NRXN1: variants seen among roughly 807,000 people sequenced by gnomAD.
NRXN1 encodes neurexin-1.
In NRXN1, 39 loss-of-function variants were observed where a neutral mutation model predicts 150.9. The ratio of observed to expected loss-of-function variants is 0.26; its 90% CI spans 0.20 to 0.34. The LOEUF (loss-of-function observed/expected upper bound fraction) is 0.34, where lower values mean the gene tolerates loss of function less well. Among genes scored for constraint, NRXN1 ranks in the 10% least tolerant of loss-of-function variants. The pLI, the probability that NRXN1 is intolerant of heterozygous loss-of-function variation, is 1.00. For missense variants in NRXN1, 1,815 were observed against 1,949.9 expected (o/e 0.93, Z 1.30); for synonymous variants, 924 against 757.0 (o/e 1.22, Z -3.62).
chr2:50,613,655 C>T (rs994439852), intron 8 of NRXN1, among the ~76,000 whole-genome samples: 1 of 152,106 alleles, frequency 6.6e-6, no homozygotes, highest in East Asian at 1.9e-4. Context: ...ATGATTCATA[C>T]AGGCCAGGTG....
intron 5 of NRXN1, among the ~76,000 whole-genome samples, chr2:50,908,074 A>G (rs1683978818): frequency 6.6e-6 from 1 of 152,116 alleles, no homozygotes; most frequent in Non-Finnish European, 1.5e-5. Flanking sequence ...CTACTGAGCT[A>G]TAAATCCCTC....
chr2:50,511,348 C>T (rs560484541), intron 12 of NRXN1, among the ~76,000 whole-genome samples: 6 of 152,324 alleles, frequency 3.9e-5, no homozygotes, highest in South Asian at 2.1e-4. Context: ...GACCACAGTG[C>T]GCCCAGCCCT....
At chr2:50,876,480 G>C (rs1268038318) in intron 5 of NRXN1, among the ~76,000 whole-genome samples, 1 of 151,702 alleles carries the variant, frequency 6.6e-6, no homozygotes, top group African/African-American at 2.4e-5. Flanking sequence ...CTACACACTA[G>C]GAAAGCGAAG....
At position 50,553,254 on chromosome 2, in the gene NRXN1, G is replaced by A. The variant is rs13416514; in HGVS notation, c.1321-229C>T. On this transcript the variant is annotated intron_variant, in intron 8 of 22. Transcript: ENST00000401669. ...AAATAATGTGTGTGCAGATGCACCC[G>A]CGCATGTGCATATACACACAAACTG... Among the ~76,000 whole-genome samples the A allele has an allele frequency of 0.18, 27,044 of 152,140 alleles. 2,533 individuals are homozygous for A. The highest frequency in any genetic ancestry group is 0.34 in the East Asian group (1,788 of 5,184).
chr2:50,809,620 A>G (rs1667950928), intron 5 of NRXN1, among the ~76,000 whole-genome samples: 1 of 152,118 alleles, frequency 6.6e-6, no homozygotes, highest in Admixed American at 6.6e-5. Context: ...CGCTCCAGAA[A>G]ACATAAGAAG....
At chr2:49,934,897 T>C (rs1053374513) in intron 22 of NRXN1, among the ~76,000 whole-genome samples, 8 of 152,178 alleles carry the variant, frequency 5.3e-5, no homozygotes, top group Non-Finnish European at 1.0e-4. Context: ...GAACCTAAAT[T>C]TATCCAGCTA....
At chr2:50,102,937 AC>A (rs1339302232) in intron 18 of NRXN1, among the ~76,000 whole-genome samples, 3 of 152,084 alleles carry the variant, frequency 2.0e-5, no homozygotes, top group Non-Finnish European at 4.4e-5. Context: ...ATAATGCGTA[AC>A]AAAAGTAAAA....
At chr2:50,272,698 A>G (rs765427967) in intron 17 of NRXN1, among the ~76,000 whole-genome samples, 22 of 152,278 alleles carry the variant, frequency 1.4e-4, no homozygotes, top group East Asian at 3.9e-4. Context: ...TAGAGGCTCA[A>G]TAGATACAGC....
intron 5 of NRXN1, among the ~76,000 whole-genome samples, chr2:50,700,423 G>T (rs902611030): frequency 5.9e-5 from 9 of 151,716 alleles, no homozygotes; most frequent in African/African-American, 2.2e-4. Context: ...TAAATGGCAG[G>T]GCCAAAACAC....
At chr2:50,363,834 A>G (rs973752286) in intron 17 of NRXN1, among the ~76,000 whole-genome samples, 3 of 152,234 alleles carry the variant, frequency 2.0e-5, no homozygotes, top group African/African-American at 7.2e-5. Flanking sequence ...AAGACTTGCA[A>G]CCAACCCAAA....
intron 5 of NRXN1, among the ~76,000 whole-genome samples, chr2:50,628,188 C>A (rs889383478): frequency 4.0e-5 from 6 of 151,664 alleles, no homozygotes; most frequent in Non-Finnish European, 5.9e-5. Flanking sequence ...ATGTGGCATA[C>A]CCAAGGGGTT....
Position 50,236,932 on chromosome 2 carries a change from T to C in NRXN1, c.3403A>G (p.Ile1135Val), listed in dbSNP as rs765360600. ...TYIFSKGGGQITYKWPPNDRP... is the reference protein window; with the variant it reads ...TYIFSKGGGQVTYKWPPNDRP... ...TCATTAGGAGGCCACTTATACGTGA[T>C]TTGTCCACCACCTTTGCTAAAGATA... Residue 1135 changes from isoleucine to valine, a missense_variant, in exon 18 of 23, where the codon ATC becomes GTC. By Grantham distance (29) the Ile-to-Val change is conservative. Around this residue, in one of 6 missense-constraint regions of NRXN1, gnomAD observed 339 missense variants for 440.3 expected, o/e 0.77. Transcript: ENST00000401669. 39 of 1,613,342 alleles carry C rather than the reference T, an allele frequency of 2.4e-5. No homozygotes were observed. The East Asian group carries it at 2.5e-4, about 10-fold the overall frequency.
intron 13 of NRXN1, among the ~76,000 whole-genome samples, chr2:50,501,475 A>G (rs2091944231): frequency 1.3e-5 from 2 of 151,428 alleles, no homozygotes; most frequent in African/African-American, 4.8e-5. Context: ...TAGGGCAGTT[A>G]TAGTAGAAAT....
At chr2:50,352,962 T>C (rs1357201323) in intron 17 of NRXN1, among the ~76,000 whole-genome samples, 2 of 151,910 alleles carry the variant, frequency 1.3e-5, no homozygotes, top group South Asian at 2.1e-4. Context: ...GTCATAGATA[T>C]AGATTGGTGA....
intron 5 of NRXN1, among the ~76,000 whole-genome samples, chr2:50,802,021 T>C (rs1220112868): frequency 6.6e-6 from 1 of 152,152 alleles, no homozygotes; most frequent in Non-Finnish European, 1.5e-5. Flanking sequence ...CTTTGAGATT[T>C]TGATAGTTTA....
At chr2:50,209,183 G>C (rs1415916654) in intron 18 of NRXN1, among the ~76,000 whole-genome samples, 1 of 152,068 alleles carries the variant, frequency 6.6e-6, no homozygotes, top group Non-Finnish European at 1.5e-5. Flanking sequence ...TTGATAAAGT[G>C]ACTATTTTTG....
At chr2:50,637,262 T>A (rs1446747393) in intron 5 of NRXN1, among the ~76,000 whole-genome samples, 1 of 152,222 alleles carries the variant, frequency 6.6e-6, no homozygotes, top group Non-Finnish European at 1.5e-5. Flanking sequence ...ACCCCATCTA[T>A]CATACCTGTA....
chr2:50,173,496 G>T (rs1375389915), intron 18 of NRXN1, among the ~76,000 whole-genome samples: 1 of 152,068 alleles, frequency 6.6e-6, no homozygotes, highest in African/African-American at 2.4e-5. Context: ...ACTGGAACAA[G>T]ACAACAACGT....
At chr2:50,203,948 A>G (rs1276365173) in intron 18 of NRXN1, among the ~76,000 whole-genome samples, 2 of 152,118 alleles carry the variant, frequency 1.3e-5, no homozygotes, top group African/African-American at 2.4e-5. Context: ...TACAATCCAA[A>G]TCTGAGAGAA....
Sources: gnomAD v4.1 joint callset for allele counts (sites outside exome capture counted in the v4.1 genomes callset) on GRCh38, gnomAD v4.1.1 for gene constraint, gnomAD v4.1.1 regional missense constraint, MANE v1.5 for transcripts, NCBI Gene and HGNC (gene_info 2026-07-23, HGNC 2026-07-21) for gene names.